The following MPP7 variants were observed in gnomAD, a reference collection of about 807,000 sequenced individuals.
MPP7 encodes the protein MAGUK p55 scaffold protein 7.
MPP7 carries 60 observed loss-of-function variants against 76.5 expected under a neutral mutation model. The observed-to-expected ratio is 0.78, with a 90% CI of 0.64 to 0.97. MPP7 has a LOEUF of 0.97. MPP7 is among the 50% of genes least tolerant of loss of function. MPP7 has a pLI of 0.00. For missense variants in MPP7, 641 were observed against 694.0 expected (o/e 0.92, Z 0.86); for synonymous variants, 237 against 244.5 (o/e 0.97, Z 0.29).
At chr10:28,186,391 C>T (rs1338876248) in intron 3 of MPP7, among the ~76,000 whole-genome samples, 1 of 151,410 alleles carries the variant, frequency 6.6e-6, no homozygotes, top group East Asian at 1.9e-4. Context: ...AGAAAACAGC[C>T]TATTTTGAAA....
intron 1 of MPP7, among the ~76,000 whole-genome samples, chr10:28,287,046 T>C (rs11006985): frequency 0.022 from 3,351 of 152,292 alleles, 131 homozygotes; most frequent in African/African-American, 0.074. Context: ...TTTTTGTTTA[T>C]AGAATATCAT....
intron 2 of MPP7, among the ~76,000 whole-genome samples, chr10:28,321,948 C>CATGT (rs1370815975): frequency 4.2e-5 from 6 of 143,366 alleles, no homozygotes; most frequent in Non-Finnish European, 9.2e-5. Flanking sequence ...TTTTTGTAGA[C>CATGT]GTGTGTGTGT....
chr10:28,098,424 A>G (rs1204941472), intron 11 of MPP7, among the ~76,000 whole-genome samples: 1 of 151,894 alleles, frequency 6.6e-6, no homozygotes, highest in Non-Finnish European at 1.5e-5. Flanking sequence ...TATGTTTTTT[A>G]AAAAGACAAT....
chr10:28,119,625 C>A (rs1311523477), intron 11 of MPP7, 26 bp downstream of exon 11: 1 of 1,596,468 alleles, frequency 6.3e-7, no homozygotes, highest in African/African-American at 1.3e-5. Context: ...GGTTTGGTTT[C>A]TCTGCATTCT....
chr10:28,118,809 G>A, intron 11 of MPP7: 1 of 985,366 alleles, frequency 1.0e-6, no homozygotes, highest in African/African-American at 1.7e-5. Flanking sequence ...TCTGCAAACT[G>A]ACAGAAATCA....
chr10:28,280,013 A>G (rs1840621315), intron 1 of MPP7: 1 of 152,064 alleles, frequency 6.6e-6, no homozygotes, highest in African/African-American at 2.4e-5. Context: ...TAATGTGCCC[A>G]AGCCACCACT....
chr10:28,226,437 G>C (rs1838693906), intron 2 of MPP7, among the ~76,000 whole-genome samples: 1 of 152,164 alleles, frequency 6.6e-6, no homozygotes, highest in Non-Finnish European at 1.5e-5. Flanking sequence ...GGTAGAGACA[G>C]GGTTTCACCA....
At chr10:28,330,458 A>G (rs1249319) in intron 1 of MPP7, among the ~76,000 whole-genome samples, 1 of 150,992 alleles carries the variant, frequency 6.6e-6, no homozygotes, top group Non-Finnish European at 1.5e-5. Flanking sequence ...TTAAACAGAA[A>G]AGATTTTTTA....
At chr10:28,098,477 A>G (rs1158347375) in intron 11 of MPP7, among the ~76,000 whole-genome samples, 3 of 151,812 alleles carry the variant, frequency 2.0e-5, no homozygotes, top group South Asian at 2.1e-4. Context: ...TACTTGTTCT[A>G]TTTTTCAAAC....
chr10:28,206,642 A>C (rs1055639862), intron 2 of MPP7, among the ~76,000 whole-genome samples: 4 of 152,188 alleles, frequency 2.6e-5, no homozygotes, highest in Admixed American at 2.0e-4. Flanking sequence ...CTTTGTAAAT[A>C]ATTTAAATTT....
At chr10:28,291,786 G>C (rs1840927162) in intron 1 of MPP7, among the ~76,000 whole-genome samples, 1 of 152,156 alleles carries the variant, frequency 6.6e-6, no homozygotes. Flanking sequence ...TATTACAAAA[G>C]AGTCAAAAGT....
chr10:28,258,643 G>T (rs1337064458), intron 1 of MPP7, among the ~76,000 whole-genome samples: 1 of 151,670 alleles, frequency 6.6e-6, no homozygotes, highest in Non-Finnish European at 1.5e-5. Context: ...CAAATGATCT[G>T]CCCACTTCAG....
intron 4 of MPP7, 147 bp from the exon 5 acceptor site, chr10:28,147,710 T>G (rs1564658345): frequency 1.2e-5 from 8 of 688,590 alleles, no homozygotes; most frequent in Non-Finnish European, 2.0e-5. Flanking sequence ...AGATCATCAA[T>G]CATTGCTCTT....
chr10:28,095,496 C>T (rs1853526439), intron 11 of MPP7, among the ~76,000 whole-genome samples: 2 of 152,042 alleles, frequency 1.3e-5, no homozygotes, highest in Admixed American at 1.3e-4. Context: ...CTGTAATTTT[C>T]CAATTTCAGT....
intron 1 of MPP7, among the ~76,000 whole-genome samples, chr10:28,275,058 A>G (rs1285991728): frequency 6.6e-6 from 1 of 152,158 alleles, no homozygotes; most frequent in African/African-American, 2.4e-5. Context: ...ATTTAGTAAA[A>G]GGCATTGTTG....
intron 1 of MPP7, among the ~76,000 whole-genome samples, chr10:28,252,466 C>T (rs1383147210): frequency 6.6e-6 from 1 of 152,196 alleles, no homozygotes; most frequent in African/African-American, 2.4e-5. Flanking sequence ...AGTACATAGG[C>T]ATTTATTTAG....
chr10:28,319,140 G>A (rs1228820883), intron 2 of MPP7, among the ~76,000 whole-genome samples: 1 of 152,182 alleles, frequency 6.6e-6, no homozygotes, highest in African/African-American at 2.4e-5. Context: ...GGGTGAAGGG[G>A]AAGCAGGCAT....
intron 2 of MPP7, among the ~76,000 whole-genome samples, chr10:28,238,240 A>AATG (rs1250417772): frequency 7.2e-5 from 11 of 152,166 alleles, no homozygotes; most frequent in Admixed American, 6.6e-4. Flanking sequence ...TGAATGAAGG[A>AATG]TAATATGGGT....
intron 3 of MPP7, among the ~76,000 whole-genome samples, chr10:28,180,679 C>T (rs1237882864): frequency 6.6e-6 from 1 of 152,068 alleles, no homozygotes; most frequent in Non-Finnish European, 1.5e-5. Flanking sequence ...TTTATATTCC[C>T]CCAGACACTC....
Sources: gnomAD v4.1 joint callset for allele counts (sites outside exome capture counted in the v4.1 genomes callset) on GRCh38, gnomAD v4.1.1 for gene constraint, MANE v1.5 for transcripts, NCBI Gene and HGNC (gene_info 2026-07-23, HGNC 2026-07-21) for gene names.